Variants in IVNS1ABP observed in about 807,000 individuals in gnomAD.
IVNS1ABP encodes the protein influenza virus NS1A binding protein.
In IVNS1ABP, 25 loss-of-function variants were observed where a neutral mutation model predicts 78.9. The observed-to-expected ratio is 0.32, with a 90% CI of 0.23 to 0.44. The LOEUF (loss-of-function observed/expected upper bound fraction) is 0.44, where lower values mean the gene tolerates loss of function less well. IVNS1ABP is among the 20% of genes least tolerant of loss of function. The probability of loss-of-function intolerance (pLI) is 1.00; values close to 1 mark genes in which losing one functional copy is unlikely to be tolerated. For synonymous variants in IVNS1ABP, 241 were observed against 259.7 expected (o/e 0.93, Z 0.69); for missense variants, 494 against 768.9 (o/e 0.64, Z 4.23).
chr1:185,305,824 C>A lies in IVNS1ABP; in HGVS notation c.658-181G>T, dbSNP rs778170314. The A allele has an allele frequency of 7.3e-5, 49 of 667,130 alleles. No homozygotes were observed. The highest frequency in any genetic ancestry group is 8.8e-5 in the Non-Finnish European group (38 of 431,246). The allele number at this position is 667,130 out of a possible 1,614,324, so 41.3% of individuals were successfully genotyped here. On this transcript the variant is annotated intron_variant, in intron 7 of 14. Coordinates refer to ENST00000367498, the MANE Select transcript of IVNS1ABP (RefSeq NM_006469.5). This position sits in a 1 kb window ranked among gnomAD's most constrained non-coding sequence, Gnocchi z 4.0. ...TGTCATGGTGGTAAAAATTAAAAAA[C>A]AAAAACAAAAAACCAAAATCAAATA...
intron 8 of IVNS1ABP, among the ~76,000 whole-genome samples, chr1:185,304,608 G>C (rs938895769): frequency 6.6e-6 from 1 of 152,068 alleles, no homozygotes; most frequent in Non-Finnish European, 1.5e-5. Flanking sequence ...CATAATTTGA[G>C]CTAAAGGCCA....
At chr1:185,303,690 C>G (rs969973364) in intron 8 of IVNS1ABP, among the ~76,000 whole-genome samples, 3 of 151,970 alleles carry the variant, frequency 2.0e-5, no homozygotes, top group Non-Finnish European at 2.9e-5. Flanking sequence ...AGATTAATCC[C>G]TCATCATTTT....
Position 185,317,213 on chromosome 1 carries a change from G to C in IVNS1ABP, c.-507C>G. 2.5e-6 allele frequency: 1 copy of C among 398,258 alleles called. No homozygotes were observed. 24.7% of individuals were successfully genotyped at this position (398,258 alleles called of 1,614,324 possible). A position where few individuals can be genotyped will look rare whatever the true frequency, so the allele number is the denominator to read the frequency against. ...GAAACTGCGCCCAGCAGCTCTGAGC[G>C]ACCGACCTCCACGCGCGACCGGGAG... is the stretch of plus-strand genomic sequence containing the variant. On this transcript the variant is annotated 5_prime_UTR_variant, in exon 1 of 15. Transcript: ENST00000367498.
intron 9 of IVNS1ABP, 75 bp downstream of exon 9, chr1:185,301,359 G>C: frequency 6.6e-7 from 1 of 1,522,172 alleles, no homozygotes; most frequent in South Asian, 1.1e-5. Flanking sequence ...GTCAATTTAA[G>C]AGGTATTAAA....
chr1:185,300,389 C>T (rs750468870), intron 11 of IVNS1ABP, 46 bp from the exon 12 acceptor site: 65 of 1,613,152 alleles, frequency 4.0e-5, no homozygotes, highest in East Asian at 1.1e-4. Context: ...CCTGAAGTTA[C>T]GAGGAAAAAG....
In IVNS1ABP at chr1:185,305,546, T is replaced by C; in HGVS notation, c.755A>G (p.Gln252Arg). The change falls in exon 8 of 15, where the codon CAG becomes CGG. Residue 252 changes from glutamine to arginine, a missense_variant. Gln to Arg is a conservative substitution (Grantham distance 43, BLOSUM62 1). Transcript: ENST00000367498. This position sits in a 1 kb window ranked among gnomAD's most constrained non-coding sequence, Gnocchi z 4.0. ...CTGTGCAATGTGTACCTGCACAAAC[T>C]GAATGTGGTCATCATCACTGCCAAA... ...EVFGSDDDHI[Q>R]FVQKKPPREN... is the part of the protein sequence containing the mutation. 6.2e-7 allele frequency: 1 copy of C among 1,613,310 alleles called. No individual in the cohort carries two copies.
chr1:185,303,884 A>G (rs977387858), intron 8 of IVNS1ABP, among the ~76,000 whole-genome samples: 4 of 152,138 alleles, frequency 2.6e-5, no homozygotes, highest in African/African-American at 9.7e-5. Flanking sequence ...CCAGTTTTTC[A>G]CCATTACTAA....
rs778191621 is a variant in IVNS1ABP, at chr1:185,308,988, T to G, written c.281+15A>C. 6.3e-7 allele frequency: 1 copy of G among 1,598,602 alleles called. No homozygotes were observed. Among genetic ancestry groups the G allele is most frequent in the Admixed American group, 1.7e-5 (1 of 57,654 alleles). On this transcript the variant is annotated intron_variant, in intron 4 of 14. Coordinates refer to ENST00000367498, the MANE Select transcript of IVNS1ABP (RefSeq NM_006469.5). ...GATATTCCCTAATTATATGGTTTAC[T>G]TCAAATGTACTTACTGAGCAGTGTA...
At chr1:185,304,636 T>G (rs1428002741) in intron 8 of IVNS1ABP, among the ~76,000 whole-genome samples, 1 of 152,146 alleles carries the variant, frequency 6.6e-6, no homozygotes, top group Non-Finnish European at 1.5e-5. Context: ...ATATATACTA[T>G]ATGACCATTT....
chr1:185,304,275 T>C (rs1665679151), intron 8 of IVNS1ABP, among the ~76,000 whole-genome samples: 1 of 152,154 alleles, frequency 6.6e-6, no homozygotes, highest in East Asian at 1.9e-4. Flanking sequence ...TACCGAACAT[T>C]ATGGCCTGCC....
Position 185,305,506 on chromosome 1 carries a change from T to C in IVNS1ABP, c.765+30A>G. 3 of 1,608,556 alleles carry C rather than the reference T, an allele frequency of 1.9e-6. No individual in the cohort carries two copies. In the South Asian group the frequency reaches 3.3e-5, roughly 18 times the overall value. ...CAAATTCTCTAGTCAAATTTTAACC[T>C]GAGGTTACCTCAGACTGTGCAATGT... On this transcript the variant is annotated intron_variant, in intron 8 of 14. Coordinates refer to ENST00000367498, the MANE Select transcript of IVNS1ABP (RefSeq NM_006469.5). This position sits in a 1 kb window ranked among gnomAD's most constrained non-coding sequence, Gnocchi z 4.0.
chr1:185,310,782 G>A (rs558718737), intron 2 of IVNS1ABP, among the ~76,000 whole-genome samples: 1 of 151,828 alleles, frequency 6.6e-6, no homozygotes, highest in African/African-American at 2.4e-5. Context: ...GAAGGCTGAG[G>A]CAGGAGAAGC....
At chr1:185,306,770 C>T (rs1665749615) in intron 7 of IVNS1ABP, 1 of 679,124 alleles carries the variant, frequency 1.5e-6, no homozygotes, top group Non-Finnish European at 2.1e-6. Flanking sequence ...AAATTACATG[C>T]TACTTTAAAG....
rs1665582060 is a variant in IVNS1ABP, at chr1:185,301,033, A to G, written c.1059T>C (p.Pro353=). ...QDELIEKPMS[P]MQYARSGLGT... ...CCAGACCAGATCGTGCGTACTGCAT[A>G]GGAGACATGGGCTTTTCGATTAGCT... Residue 353 remains proline, a synonymous_variant, in exon 10 of 15, where the codon CCT becomes CCC. Coordinates refer to ENST00000367498, the MANE Select transcript of IVNS1ABP (RefSeq NM_006469.5). The G allele has an allele frequency of 6.2e-7, 1 of 1,613,568 alleles. No homozygotes were observed. Among genetic ancestry groups the G allele is most frequent in the Non-Finnish European group, 8.5e-7 (1 of 1,179,698 alleles).
chr1:185,311,098 C>T lies in IVNS1ABP; in HGVS notation c.-22G>A. ...TAGGCAGAGAACATTCACTTACCTACTCTGTTGGTGGCAAATGTATTTCTG... is the reference window on the plus strand; with the variant it reads ...TAGGCAGAGAACATTCACTTACCTATTCTGTTGGTGGCAAATGTATTTCTG... On this transcript the variant is annotated 5_prime_UTR_variant, in exon 2 of 15. Coordinates refer to ENST00000367498, the MANE Select transcript of IVNS1ABP (RefSeq NM_006469.5). The T allele has an allele frequency of 2.7e-6, 1 of 367,752 alleles. No homozygotes were observed. The highest frequency in any genetic ancestry group is 4.9e-6 in the Non-Finnish European group (1 of 206,076). The allele number at this position is 367,752 out of a possible 1,614,324, so 22.8% of individuals were successfully genotyped here. A position where few individuals can be genotyped will look rare whatever the true frequency, so the allele number is the denominator to read the frequency against.
At chr1:185,302,440 A>T (rs1665625596) in intron 8 of IVNS1ABP, among the ~76,000 whole-genome samples, 1 of 152,166 alleles carries the variant, frequency 6.6e-6, no homozygotes, top group East Asian at 1.9e-4. Context: ...ATGAACAGGT[A>T]GCAACTTCAG....
chr1:185,312,462 C>T (rs1028486081), intron 1 of IVNS1ABP, among the ~76,000 whole-genome samples: 2 of 152,268 alleles, frequency 1.3e-5, no homozygotes, highest in Non-Finnish European at 1.5e-5. Flanking sequence ...CTAACAATTA[C>T]GTCAAAGTGA....
chr1:185,301,226 T>C (rs754322968), intron 9 of IVNS1ABP, 30 bp from the exon 10 acceptor site: 1 of 1,576,286 alleles, frequency 6.3e-7, no homozygotes, highest in African/African-American at 1.3e-5. Flanking sequence ...ATGTTTAAGA[T>C]GTAATTATTA....
intron 5 of IVNS1ABP, 170 bp from the exon 6 acceptor site, chr1:185,307,832 A>G: frequency 8.1e-7 from 1 of 1,231,952 alleles, no homozygotes; most frequent in Non-Finnish European, 1.1e-6. Flanking sequence ...TAAACATCTA[A>G]TTATGCCATA....
Sources: gnomAD v4.1 joint callset for allele counts (sites outside exome capture counted in the v4.1 genomes callset) on GRCh38, gnomAD v4.1.1 for gene constraint, Gnocchi (gnomAD v3.1) non-coding constraint, MANE v1.5 for transcripts, NCBI Gene and HGNC (gene_info 2026-07-23, HGNC 2026-07-21) for gene names.